The following PLCG2 variants were observed in gnomAD, a reference collection of about 807,000 sequenced individuals.
PLCG2 encodes the protein 1-phosphatidylinositol 4,5-bisphosphate phosphodiesterase gamma-2.
Under a neutral mutation model 175.6 loss-of-function variants are expected in PLCG2, and 69 were observed. The ratio of observed to expected loss-of-function variants is 0.39; its 90% CI spans 0.32 to 0.48. The LOEUF (loss-of-function observed/expected upper bound fraction) is 0.48, where lower values mean the gene tolerates loss of function less well. Among genes scored for constraint, PLCG2 ranks in the 20% least tolerant of loss-of-function variants. The pLI, the probability that PLCG2 is intolerant of heterozygous loss-of-function variation, is 0.91. For synonymous variants in PLCG2, 827 were observed against 624.0 expected (o/e 1.33, Z -4.85); for missense variants, 1,798 against 1,650.9 (o/e 1.09, Z -1.54).
chr16:81,888,528 A>G (rs532499643), intron 9 of PLCG2, among the ~76,000 whole-genome samples: 1 of 152,346 alleles, frequency 6.6e-6, no homozygotes, highest in East Asian at 1.9e-4. Flanking sequence ...GTGCTGCATT[A>G]GGCACATAAC....
chr16:81,960,451 A>T lies in PLCG2; in HGVS notation c.*2453A>T, dbSNP rs1195609162. Reference sequence around the variant, plus strand: ...ACTGTTTTTGTTCACCATTTTCCTAAGTGTGTTATTTAGAATATTGGTTAT... The same window carrying T: ...ACTGTTTTTGTTCACCATTTTCCTATGTGTGTTATTTAGAATATTGGTTAT... On this transcript the variant is annotated 3_prime_UTR_variant, in exon 33 of 33. Coordinates refer to ENST00000564138, the MANE Select transcript of PLCG2 (RefSeq NM_002661.5). The T allele has an allele frequency of 8.8e-6, 2 of 228,246 alleles. No individual in the cohort carries two copies. Among genetic ancestry groups the T allele is most frequent in the Non-Finnish European group, 1.7e-5 (2 of 115,104 alleles). The allele number at this position is 228,246 out of a possible 1,614,324, so 14.1% of individuals were successfully genotyped here.
In PLCG2 at chr16:81,921,396, T is replaced by G. The variant is rs541719836; in HGVS notation, c.2307+127T>G. The G allele has an allele frequency of 4.2e-6, 3 of 717,214 alleles. No individual in the cohort carries two copies. In the Admixed American group the frequency reaches 6.1e-5, roughly 15 times the overall value. 44.4% of individuals were successfully genotyped at this position (717,214 alleles called of 1,614,324 possible). On this transcript the variant is annotated intron_variant, in intron 21 of 32. Transcript: ENST00000564138. ...TGGAAAACCTGGCCAAAATAATTTT[T>G]TTTTTTTTTTGAGAAGAAAGGATGA...
intron 2 of PLCG2, among the ~76,000 whole-genome samples, chr16:81,826,834 G>T (rs1905067494): frequency 6.6e-6 from 1 of 152,226 alleles, no homozygotes; most frequent in Non-Finnish European, 1.5e-5. Context: ...TCTCAAGGCT[G>T]CCGGAGACAA....
At chr16:81,837,494 C>G (rs936598664) in intron 2 of PLCG2, among the ~76,000 whole-genome samples, 1 of 152,190 alleles carries the variant, frequency 6.6e-6, no homozygotes, top group African/African-American at 2.4e-5. Context: ...CCAGAGGTGG[C>G]TGGTAGAATC....
In PLCG2 at chr16:81,893,747, C is replaced by T. The variant is rs1249964143; in HGVS notation, c.1025C>T (p.Pro342Leu). The T allele has an allele frequency of 6.2e-7, 1 of 1,613,000 alleles. No individual in the cohort carries two copies. Among genetic ancestry groups the T allele is most frequent in the Middle Eastern group, 1.7e-4 (1 of 6,060 alleles). ...TGDQLRSESS[P>L]EAYIRCLRMG... ...GACCAGCTGCGGAGCGAGTCGTCCCCAGAAGCTTACATCCGCTGCCTGCGC... is the reference window on the plus strand; with the variant it reads ...GACCAGCTGCGGAGCGAGTCGTCCCTAGAAGCTTACATCCGCTGCCTGCGC... The change falls in exon 12 of 33, where the codon CCA becomes CTA. Residue 342 changes from proline to leucine, a missense_variant. Coordinates refer to ENST00000564138, the MANE Select transcript of PLCG2 (RefSeq NM_002661.5).
intron 14 of PLCG2, among the ~76,000 whole-genome samples, chr16:81,901,704 T>C (rs1909159078): frequency 6.6e-6 from 1 of 152,260 alleles, no homozygotes; most frequent in African/African-American, 2.4e-5. Context: ...TCATGAGTGT[T>C]TTCATATCCC....
intron 31 of PLCG2, among the ~76,000 whole-genome samples, chr16:81,953,909 G>A (rs532725030): frequency 9.9e-5 from 15 of 152,276 alleles, no homozygotes; most frequent in South Asian, 8.3e-4. Context: ...ACTTGCGCCC[G>A]AATAACAAAT....
chr16:81,918,454 C>G (rs1187819279), intron 19 of PLCG2, among the ~76,000 whole-genome samples: 2 of 152,070 alleles, frequency 1.3e-5, no homozygotes, highest in Non-Finnish European at 2.9e-5. Flanking sequence ...TTTCAAAATT[C>G]TTTTAATTTT....
upstream of PLCG2, among the ~76,000 whole-genome samples, chr16:81,776,753 C>G (rs1355584487): frequency 1.3e-5 from 2 of 152,154 alleles, no homozygotes; most frequent in Non-Finnish European, 1.5e-5. Flanking sequence ...GGGTGTTTTA[C>G]CATGTTGGCC....
At chr16:81,820,342 C>T (rs762329893) in intron 2 of PLCG2, among the ~76,000 whole-genome samples, 1 of 152,140 alleles carries the variant, frequency 6.6e-6, no homozygotes, top group Non-Finnish European at 1.5e-5. Flanking sequence ...ACACTCCCTG[C>T]CCCAGGCCAC....
At chr16:81,894,201 G>T (rs1597113903) in intron 12 of PLCG2, among the ~76,000 whole-genome samples, 1 of 152,076 alleles carries the variant, frequency 6.6e-6, no homozygotes, top group African/African-American at 2.4e-5. Flanking sequence ...GGCTGAAGTG[G>T]GAGGATTGTA....
intron 2 of PLCG2, among the ~76,000 whole-genome samples, chr16:81,771,006 C>T (rs537336872): frequency 2.7e-5 from 4 of 149,600 alleles, no homozygotes; most frequent in African/African-American, 4.9e-5. Context: ...TGCCGTGAGC[C>T]GAGATTATGC....
chr16:81,789,193 G>T lies in PLCG2; in HGVS notation c.193+3011G>T, dbSNP rs547276406. The stretch of plus-strand genomic sequence containing the variant: ...TTAGAACCTTCTTCTGAAGCTCATT[G>T]TGATGGGCATGAGACAGGATTTTGG... On this transcript the variant is annotated intron_variant, in intron 2 of 32. Transcript: ENST00000564138. Among the ~76,000 whole-genome samples, 7 of 152,366 alleles carry T rather than the reference G, an allele frequency of 4.6e-5. No homozygotes were observed. The South Asian group carries it at 1.4e-3, about 32-fold the overall frequency.
intron 2 of PLCG2, among the ~76,000 whole-genome samples, chr16:81,811,039 C>T (rs1461556557): frequency 4.6e-5 from 7 of 152,292 alleles, no homozygotes; most frequent in African/African-American, 1.2e-4. Context: ...TCTAAGGCCA[C>T]ATTTAACCTG....
chr16:81,777,437 T>TAAAAA (rs750704164), upstream of PLCG2, among the ~76,000 whole-genome samples: 2 of 105,694 alleles, frequency 1.9e-5, no homozygotes, highest in Non-Finnish European at 4.0e-5. Flanking sequence ...GCTGAAGTTC[T>TAAAAA]AAAAAAAAAA....
At chr16:81,752,930 C>T (rs866272119) in intron 1 of PLCG2, among the ~76,000 whole-genome samples, 1 of 152,268 alleles carries the variant, frequency 6.6e-6, no homozygotes, top group Non-Finnish European at 1.5e-5. Context: ...CTGCTTTTCT[C>T]CTTTGGGCCT....
chr16:81,869,307 C>A lies in PLCG2; in HGVS notation c.564+9C>A, dbSNP rs761156413. On this transcript the variant is annotated intron_variant, in intron 6 of 32. Coordinates refer to ENST00000564138, the MANE Select transcript of PLCG2 (RefSeq NM_002661.5). ...TTAAAGATAAGTTTGTGGTAAGTTT[C>A]ATGGCTCAGCCTGGGAATTTTATGA... 4.4e-6 allele frequency: 7 copies of A among 1,596,602 alleles called. No individual in the cohort carries two copies. The African/African-American group carries it at 9.4e-5, about 21-fold the overall frequency.
chr16:81,956,073 C>A (rs918194071), intron 31 of PLCG2, among the ~76,000 whole-genome samples: 1 of 152,202 alleles, frequency 6.6e-6, no homozygotes, highest in African/African-American at 2.4e-5. Flanking sequence ...CTCCATCCCC[C>A]AGACCCCGGT....
At chr16:81,930,105 G>A (rs1239448272) in intron 24 of PLCG2, among the ~76,000 whole-genome samples, 3 of 152,196 alleles carry the variant, frequency 2.0e-5, no homozygotes, top group African/African-American at 4.8e-5. Context: ...GGAGGCTGAG[G>A]TGGGTGGATC....
Sources: gnomAD v4.1 joint callset for allele counts (sites outside exome capture counted in the v4.1 genomes callset) on GRCh38, gnomAD v4.1.1 for gene constraint, MANE v1.5 for transcripts, NCBI Gene and HGNC (gene_info 2026-07-23, HGNC 2026-07-21) for gene names.